The following RETREG3 variants were observed in gnomAD, a reference collection of about 807,000 sequenced individuals.
The protein encoded by RETREG3 is reticulophagy regulator 3.
A neutral mutation model predicts 50.2 loss-of-function variants in RETREG3; 23 were observed. The ratio of observed to expected loss-of-function variants is 0.46; its 90% CI spans 0.33 to 0.65. RETREG3 has a LOEUF of 0.65. Ranked by LOEUF, RETREG3 falls within the 30% of genes least tolerant of loss-of-function variation. The pLI, the probability that RETREG3 is intolerant of heterozygous loss-of-function variation, is 0.02. For synonymous variants in RETREG3, 240 were observed against 234.4 expected (o/e 1.02, Z -0.22); for missense variants, 546 against 598.0 (o/e 0.91, Z 0.91).
At chr17:42,582,846 G>T (rs1359015093) in intron 7 of RETREG3, 40 bp from the exon 8 acceptor site, 1 of 1,613,042 alleles carries the variant, frequency 6.2e-7, no homozygotes, top group South Asian at 1.1e-5. Flanking sequence ...ATGCCATCAG[G>T]AACCAGGTGT....
chr17:42,607,037 T>G (rs1205247408), intron 1 of RETREG3, among the ~76,000 whole-genome samples: 7 of 152,074 alleles, frequency 4.6e-5, no homozygotes, highest in Non-Finnish European at 1.0e-4. Flanking sequence ...TTTTTTTCCA[T>G]CAGGCAGTCA....
chr17:42,609,157 C>A lies in RETREG3; in HGVS notation c.168G>T (p.Val56=). The change falls in exon 1 of 9, where the codon GTG becomes GTT. Residue 56 remains valine, a synonymous_variant. Transcript: ENST00000309428. The part of the protein sequence containing the change: ...LGPYEPLLSR[V]QAALVWERPA... ...GCCGCTCCCACACCAGGGCTGCCTG[C>A]ACCCGACTCAGCAGAGGCTCGTAAG... 1 of 1,610,448 alleles carries A rather than the reference C, an allele frequency of 6.2e-7. No homozygotes were observed. Among genetic ancestry groups the A allele is most frequent in the South Asian group, 1.1e-5 (1 of 91,050 alleles).
Position 42,582,199 on chromosome 17 carries a change from C to T in RETREG3, c.1015G>A (p.Asp339Asn). ...TCCTCATCATCCAGGCCAGCAGGAT[C>T]CATATTAATGGAAGGGAAGTCTGGA... Reference protein sequence around the residue: ...DLPDFPSINMDPAGLDDEDDT... With the variant: ...DLPDFPSINMNPAGLDDEDDT... The change falls in exon 9 of 9, where the codon GAT becomes AAT. Residue 339 changes from aspartate to asparagine, a missense_variant. Coordinates refer to ENST00000309428, the MANE Select transcript of RETREG3 (RefSeq NM_178126.4). 1 of 1,613,708 alleles carries T rather than the reference C, an allele frequency of 6.2e-7. No homozygotes were observed.
chr17:42,606,837 A>C (rs938213232), intron 1 of RETREG3, among the ~76,000 whole-genome samples: 34 of 151,840 alleles, frequency 2.2e-4, no homozygotes, highest in Non-Finnish European at 5.9e-5. Context: ...TCTACAAAAA[A>C]ATACAAAAAT....
At chr17:42,602,927 T>C (rs1169632155) in intron 1 of RETREG3, among the ~76,000 whole-genome samples, 1 of 152,080 alleles carries the variant, frequency 6.6e-6, no homozygotes, top group Non-Finnish European at 1.5e-5. Context: ...TGGGCGACAG[T>C]GAGATCCTGT....
intron 1 of RETREG3, among the ~76,000 whole-genome samples, chr17:42,596,289 G>T (rs894103159): frequency 7.5e-6 from 1 of 133,074 alleles, no homozygotes; most frequent in East Asian, 2.4e-4. Flanking sequence ...AGCCTGAAAG[G>T]TTGAGGCCCC....
chr17:42,586,037 T>C lies in RETREG3; in HGVS notation c.589+16A>G. On this transcript the variant is annotated intron_variant, in intron 5 of 8. Coordinates refer to ENST00000309428, the MANE Select transcript of RETREG3 (RefSeq NM_178126.4). ...AGCAGGGTATACTTTGTAGGGGAGG[T>C]ATATGTCATACTTACGCATCAAGTA... is the stretch of plus-strand genomic sequence containing the variant. 3 of 1,612,668 alleles carry C rather than the reference T, an allele frequency of 1.9e-6. No homozygotes were observed. The highest frequency in any genetic ancestry group is 2.5e-6 in the Non-Finnish European group (3 of 1,178,992).
chr17:42,581,434 T>A lies in RETREG3; in HGVS notation c.*379A>T, dbSNP rs773782684. On this transcript the variant is annotated 3_prime_UTR_variant, in exon 9 of 9. Transcript: ENST00000309428. ...GACTTTGGGGGCTCTAGAGAGGCGA[T>A]GAAAGGAGGAAGGCAGGCATGGGCT... 1.7e-5 allele frequency: 3 copies of A among 179,518 alleles called. No individual in the cohort carries two copies. Among genetic ancestry groups the A allele is most frequent in the African/African-American group, 2.4e-5 (1 of 42,244 alleles). 11.1% of individuals were successfully genotyped at this position (179,518 alleles called of 1,614,324 possible).
intron 2 of RETREG3, among the ~76,000 whole-genome samples, chr17:42,589,846 A>G (rs928615483): frequency 5.3e-5 from 8 of 152,206 alleles, no homozygotes; most frequent in Non-Finnish European, 1.2e-4. Context: ...ACAGTCTCCT[A>G]ACAGGTCATC....
Position 42,592,096 on chromosome 17 carries a change from A to G in RETREG3, c.306T>C (p.Cys102=), listed in dbSNP as rs769949896. Residue 102 remains cysteine, a synonymous_variant, in exon 2 of 9, where the codon TGT becomes TGC. Transcript: ENST00000309428. ...AGATTTTGTTCTTCCATTGATCAAT[A>G]CACACAATGATCATCAAGCCAAATG... ...LLAFGLMIIV[C]IDQWKNKIWP... 9 of 1,613,924 alleles carry G rather than the reference A, an allele frequency of 5.6e-6. No homozygotes were observed. In the Admixed American group the frequency reaches 1.5e-4, roughly 27 times the overall value.
chr17:42,605,920 G>C (rs1179181557), intron 1 of RETREG3, among the ~76,000 whole-genome samples: 1 of 150,256 alleles, frequency 6.7e-6, no homozygotes, highest in Non-Finnish European at 1.5e-5. Flanking sequence ...GAACTTAGGA[G>C]GTGGAAGTTG....
In RETREG3 at chr17:42,595,043, T is replaced by C. The variant is rs377293054; in HGVS notation, c.240-2881A>G. Among the ~76,000 whole-genome samples the C allele has an allele frequency of 4.5e-4, 64 of 143,542 alleles. 1 individual carries two copies. In the East Asian group the frequency reaches 8.2e-3, roughly 18 times the overall value. The allele number at this position is 143,542 out of a possible 152,430, so 94.2% of individuals were successfully genotyped here. A position where few individuals can be genotyped will look rare whatever the true frequency, so the allele number is the denominator to read the frequency against. On this transcript the variant is annotated intron_variant, in intron 1 of 8. Coordinates refer to ENST00000309428, the MANE Select transcript of RETREG3 (RefSeq NM_178126.4). ...GTGCAATGGCGCGATCTTGGCTCAC[T>C]GCAACCTCCACCTTCTGGTTGAAGC...
intron 1 of RETREG3, among the ~76,000 whole-genome samples, chr17:42,601,797 C>T (rs1214017407): frequency 6.6e-6 from 1 of 151,120 alleles, no homozygotes; most frequent in Non-Finnish European, 1.5e-5. Flanking sequence ...CCATGCCCGG[C>T]TGATTTGGCA....
At chr17:42,595,137 T>G (rs1443516255) in intron 1 of RETREG3, among the ~76,000 whole-genome samples, 4 of 151,052 alleles carry the variant, frequency 2.6e-5, no homozygotes, top group Non-Finnish European at 4.4e-5. Flanking sequence ...AGCTAATTTT[T>G]TTTGTATTTT....
chr17:42,607,967 A>G (rs191727629), intron 1 of RETREG3, among the ~76,000 whole-genome samples: 12 of 152,334 alleles, frequency 7.9e-5, no homozygotes, highest in Non-Finnish European at 1.5e-4. Context: ...GGATTAGCTT[A>G]ATAGCTGAAC....
intron 4 of RETREG3, 75 bp from the exon 5 acceptor site, chr17:42,586,212 G>C: frequency 7.3e-7 from 1 of 1,375,924 alleles, no homozygotes; most frequent in Non-Finnish European, 1.0e-6. Flanking sequence ...GGTTAGGGTA[G>C]AGATATGACA....
At position 42,588,426 on chromosome 17, in the gene RETREG3, T is replaced by G. The variant is rs568134916; in HGVS notation, c.347-562A>C. Among the ~76,000 whole-genome samples, 69 of 151,960 alleles carry G rather than the reference T, an allele frequency of 4.5e-4. 1 individual carries two copies. Among genetic ancestry groups the G allele is most frequent in the African/African-American group, 1.6e-3 (66 of 41,482 alleles). On this transcript the variant is annotated intron_variant, in intron 2 of 8. Transcript: ENST00000309428. ...ATGCCCGGCTAATTTTTTTTTTTTT[T>G]GGAGACAGGGTCTTGCTCTGTAGCC...
At chr17:42,587,799 G>C (rs1226966929) in intron 3 of RETREG3, 35 bp downstream of exon 3, 2 of 1,613,098 alleles carry the variant, frequency 1.2e-6, no homozygotes, top group South Asian at 1.1e-5. Flanking sequence ...GAATGAATCA[G>C]AGCAACAAAA....
At chr17:42,602,244 G>A (rs928899611) in intron 1 of RETREG3, among the ~76,000 whole-genome samples, 1 of 151,748 alleles carries the variant, frequency 6.6e-6, no homozygotes, top group Non-Finnish European at 1.5e-5. Context: ...TTGAATCTGG[G>A]AGGCAGAGGT....
Sources: gnomAD v4.1 joint callset for allele counts (sites outside exome capture counted in the v4.1 genomes callset) on GRCh38, gnomAD v4.1.1 for gene constraint, MANE v1.5 for transcripts, NCBI Gene and HGNC (gene_info 2026-07-23, HGNC 2026-07-21) for gene names.